HOOK3: variants seen among roughly 807,000 people sequenced by gnomAD.
The protein encoded by HOOK3 is protein Hook homolog 3.
Under a neutral mutation model 116.3 loss-of-function variants are expected in HOOK3, and 24 were observed. That is an observed-to-expected ratio of 0.21 (90% CI 0.15 to 0.29). HOOK3 has a LOEUF of 0.29. Among genes scored for constraint, HOOK3 ranks in the 10% least tolerant of loss-of-function variants. The probability of loss-of-function intolerance (pLI) is 1.00; values close to 1 mark genes in which losing one functional copy is unlikely to be tolerated. For synonymous variants in HOOK3, 275 were observed against 283.0 expected, an observed-to-expected ratio of 0.97 and a Z score of 0.28; for missense variants, 632 against 830.2, an observed-to-expected ratio of 0.76 and a Z score of 2.93.
chr8:43,008,559 C>T (rs1310119854), intron 18 of HOOK3, among the ~76,000 whole-genome samples: 2 of 152,092 alleles, frequency 1.3e-5, no homozygotes, highest in African/African-American at 4.8e-5. Flanking sequence ...GCTCAAGTCA[C>T]TTGCCCACCT....
intron 11 of HOOK3, among the ~76,000 whole-genome samples, chr8:42,968,491 G>A (rs1808672204): frequency 6.6e-6 from 1 of 151,918 alleles, no homozygotes; most frequent in African/African-American, 2.4e-5. Context: ...TGCCACACCT[G>A]GCTAATTTTT....
Position 43,027,513 on chromosome 8 carries a change from T to A in HOOK3, c.*9015T>A. The A allele has an allele frequency of 2.5e-6, 1 of 400,118 alleles. No individual in the cohort carries two copies. The highest frequency in any genetic ancestry group is 4.8e-6 in the Non-Finnish European group (1 of 207,070). 24.8% of individuals were successfully genotyped at this position (400,118 alleles called of 1,614,324 possible). A position where few individuals can be genotyped will look rare whatever the true frequency, so the allele number is the denominator to read the frequency against. Reference sequence around the variant, plus strand: ...TGACGTGCTTTGCATGAGAAGCTCATCTAGAAGAGAGCAACGCTGGAATAG... The same window carrying A: ...TGACGTGCTTTGCATGAGAAGCTCAACTAGAAGAGAGCAACGCTGGAATAG... On this transcript the variant is annotated 3_prime_UTR_variant, in exon 22 of 22. Transcript: ENST00000307602.
At chr8:43,000,283 A>AT in intron 16 of HOOK3, 1 of 1,285,422 alleles carries the variant, frequency 7.8e-7, no homozygotes, top group Non-Finnish European at 1.0e-6. Flanking sequence ...TATTGTAAGT[A>AT]TGGCTTCCTT....
In HOOK3 at chr8:42,941,001, A is replaced by T. The variant is rs192959252; in HGVS notation, c.268-2312A>T. 8.6e-4 allele frequency among the ~76,000 whole-genome samples: 131 copies of T among 151,954 alleles called. No individual in the cohort carries two copies. In the East Asian group the frequency reaches 0.024, roughly 27 times the overall value. The stretch of plus-strand genomic sequence containing the variant: ...CTGGCATCCAGGCCGGAGTGAGTGC[A>T]GTGGCACGACCTCGGCTCACTGGCA... On this transcript the variant is annotated intron_variant, in intron 4 of 21. Transcript: ENST00000307602.
At chr8:42,971,253 TTTTTTG>T (rs910475931) in intron 11 of HOOK3, among the ~76,000 whole-genome samples, 22 of 152,236 alleles carry the variant, frequency 1.4e-4, no homozygotes, top group African/African-American at 3.6e-4. Context: ...ATGTTGTGTG[TTTTTTG>T]TTTTTGTTTT....
rs199720496 is a variant in HOOK3 at position 43,002,177 on chromosome 8, A to C, written c.1655+36A>C. 5.9e-4 allele frequency: 890 copies of C among 1,516,006 alleles called. 14 individuals carry two copies. In the South Asian group the frequency reaches 9.5e-3, roughly 16 times the overall value. 93.9% of individuals were successfully genotyped at this position (1,516,006 alleles called of 1,614,324 possible). On this transcript the variant is annotated intron_variant, in intron 17 of 21. Transcript: ENST00000307602. ...AAGCTGTTGAGGCTGATTCTTCTAT[A>C]GTGGAACACATGTGCTTTGTGTTAG... is the stretch of plus-strand genomic sequence containing the variant.
At position 42,975,997 on chromosome 8, in the gene HOOK3, G is replaced by A. The variant is rs149041798; in HGVS notation, c.1321+1803G>A. 8.3e-3 allele frequency among the ~76,000 whole-genome samples: 1,259 copies of A among 152,058 alleles called. 18 individuals are homozygous for A. The highest frequency in any genetic ancestry group is 0.028 in the African/African-American group (1,166 of 41,454). On this transcript the variant is annotated intron_variant, in intron 13 of 21. Coordinates refer to ENST00000307602, the MANE Select transcript of HOOK3 (RefSeq NM_032410.4). ...TGAGATTACAGGCGTGAGCCACCGC[G>A]CCCAGCCAAGATGTAGATGTAGATG...
At chr8:42,981,991 C>T (rs1288708285) in intron 13 of HOOK3, among the ~76,000 whole-genome samples, 2 of 151,290 alleles carry the variant, frequency 1.3e-5, no homozygotes, top group African/African-American at 2.4e-5. Flanking sequence ...CAGTGGCTCA[C>T]GCCTGTAATC....
At chr8:42,939,516 C>T (rs1247652075) in intron 4 of HOOK3, among the ~76,000 whole-genome samples, 35 of 141,040 alleles carry the variant, frequency 2.5e-4, no homozygotes, top group African/African-American at 3.2e-4. Context: ...GCTGGCCGGG[C>T]GGGGGGCTGA....
At chr8:42,929,052 AT>A (rs758592655) in intron 3 of HOOK3, among the ~76,000 whole-genome samples, 2 of 152,240 alleles carry the variant, frequency 1.3e-5, no homozygotes, top group African/African-American at 2.4e-5. Flanking sequence ...TCTCAAAAAA[AT>A]AAATACATAA....
chr8:43,002,533 A>G (rs1809400378), intron 17 of HOOK3, among the ~76,000 whole-genome samples: 2 of 152,238 alleles, frequency 1.3e-5, no homozygotes, highest in African/African-American at 4.8e-5. Flanking sequence ...TAGACAATAC[A>G]TCAATTAATG....
chr8:43,013,441 G>C, intron 21 of HOOK3, 41 bp downstream of exon 21: 1 of 1,458,204 alleles, frequency 6.9e-7, no homozygotes, highest in Non-Finnish European at 9.3e-7. Flanking sequence ...AAACTTCAAT[G>C]AATATGTAAT....
chr8:43,022,369 G>C lies in HOOK3; in HGVS notation c.*3871G>C. The C allele has an allele frequency of 4.9e-6, 1 of 205,496 alleles. No homozygotes were observed. The highest frequency in any genetic ancestry group is 1.9e-4 in the South Asian group (1 of 5,312). The allele number at this position is 205,496 out of a possible 1,614,324, so 12.7% of individuals were successfully genotyped here. A position where few individuals can be genotyped will look rare whatever the true frequency, so the allele number is the denominator to read the frequency against. On this transcript the variant is annotated 3_prime_UTR_variant, in exon 22 of 22. Transcript: ENST00000307602. The stretch of plus-strand genomic sequence containing the variant: ...ACAGCACCTTCCTGGGGCCACGTTG[G>C]CTTGTGCAGTGGAGCTTGTCCAGGC...
At chr8:43,014,877 G>A (rs1301290710) in intron 21 of HOOK3, among the ~76,000 whole-genome samples, 1 of 152,088 alleles carries the variant, frequency 6.6e-6, no homozygotes, top group Non-Finnish European at 1.5e-5. Flanking sequence ...CGGTGCGGTG[G>A]CTAATGCCTG....
chr8:42,984,898 C>G (rs1809021804), intron 14 of HOOK3, among the ~76,000 whole-genome samples: 2 of 151,840 alleles, frequency 1.3e-5, no homozygotes, highest in South Asian at 4.2e-4. Flanking sequence ...TAGATTCTGT[C>G]TGAAAAAAAA....
chr8:42,933,926 T>A (rs1256962798), intron 4 of HOOK3, among the ~76,000 whole-genome samples: 1 of 152,186 alleles, frequency 6.6e-6, no homozygotes, highest in Non-Finnish European at 1.5e-5. Context: ...CTGCTGTGCT[T>A]TGGTATGAGA....
rs971304320 is a variant in HOOK3 at position 42,945,114 on chromosome 8, C to G, written c.400+1669C>G. Among the ~76,000 whole-genome samples, 7 of 152,056 alleles carry G rather than the reference C, an allele frequency of 4.6e-5. 1 individual carries two copies. The East Asian group carries it at 1.4e-3, about 29-fold the overall frequency. ...GGACTTGGAGTAGATCACTTAACCT[C>G]TGTATTTTAGTTTTTTAGTAAAATA... On this transcript the variant is annotated intron_variant, in intron 5 of 21. Coordinates refer to ENST00000307602, the MANE Select transcript of HOOK3 (RefSeq NM_032410.4).
At position 42,986,679 on chromosome 8, in the gene HOOK3, T is replaced by C; in HGVS notation, c.1416T>C (p.His472=). Residue 472 remains histidine (H), a synonymous_variant, in exon 15 of 22, where the codon CAT becomes CAC. Transcript: ENST00000307602. ...EIREKLIRLQ[H]ENKMLKLNQE... is the part of the protein sequence containing the mutation. ...GGGAGAAACTTATTCGTCTTCAGCA[T>C]GAGAATAAGATGTTAAAGCTTAACC... 6.2e-7 allele frequency: 1 copy of C among 1,611,146 alleles called. No homozygotes were observed. The highest frequency in any genetic ancestry group is 8.5e-7 in the Non-Finnish European group (1 of 1,178,178).
Position 43,013,230 on chromosome 8 carries a change from A to G in HOOK3, c.1944+75A>G, listed in dbSNP as rs1174906535. On this transcript the variant is annotated intron_variant, in intron 20 of 21. Coordinates refer to ENST00000307602, the MANE Select transcript of HOOK3 (RefSeq NM_032410.4). ...TTTGGGAGCCTTGTTATATTTTACA[A>G]TTGTGTTCATGAGTTTTAACAATTA... is the stretch of plus-strand genomic sequence containing the variant. 1.6e-5 allele frequency: 22 copies of G among 1,407,330 alleles called. No homozygotes were observed. The Admixed American group carries it at 2.1e-4, about 14-fold the overall frequency. The allele number at this position is 1,407,330 out of a possible 1,614,324, so 87.2% of individuals were successfully genotyped here. A position where few individuals can be genotyped will look rare whatever the true frequency, so the allele number is the denominator to read the frequency against.
Sources: allele counts gnomAD v4.1 joint callset (sites outside exome capture counted in the v4.1 genomes callset), GRCh38; gene constraint gnomAD v4.1.1; transcripts MANE v1.5; gene names NCBI Gene and HGNC (gene_info 2026-07-23, HGNC 2026-07-21).